Variants in TRIO observed in about 807,000 individuals in gnomAD.
TRIO encodes the protein trio Rho guanine nucleotide exchange factor, also known as triple functional domain protein.
Under a neutral mutation model 351.9 loss-of-function variants are expected in TRIO, and 58 were observed. The observed-to-expected ratio is 0.16, with a 90% CI of 0.13 to 0.21. The LOEUF (loss-of-function observed/expected upper bound fraction) is 0.21, where lower values mean the gene tolerates loss of function less well. Ranked by LOEUF, TRIO falls within the 10% of genes least tolerant of loss-of-function variation. The pLI is 1.00. For missense variants in TRIO, 3,201 were observed against 4,027.8 expected, an observed-to-expected ratio of 0.79 and a Z score of 5.56; for synonymous variants, 1,758 against 1,595.7, an observed-to-expected ratio of 1.10 and a Z score of -2.42.
chr5:14,241,613 C>T (rs1240484878), intron 1 of TRIO, among the ~76,000 whole-genome samples: 1 of 152,144 alleles, frequency 6.6e-6, no homozygotes, highest in Non-Finnish European at 1.5e-5. Context: ...GATATAGAGG[C>T]ATTGTCAGCT....
intron 1 of TRIO, among the ~76,000 whole-genome samples, chr5:14,159,945 A>G (rs1239118320): frequency 6.6e-6 from 1 of 152,258 alleles, no homozygotes; most frequent in Non-Finnish European, 1.5e-5. Context: ...GTTAGACTCT[A>G]AAACAGAAAC....
At chr5:14,424,162 G>A (rs1750434928) in intron 34 of TRIO, among the ~76,000 whole-genome samples, 1 of 152,084 alleles carries the variant, frequency 6.6e-6, no homozygotes, top group South Asian at 2.1e-4. Context: ...CCTGAGATGG[G>A]GCGGGCGCAG....
At chr5:14,211,475 T>C (rs1201243016) in intron 1 of TRIO, among the ~76,000 whole-genome samples, 1 of 152,014 alleles carries the variant, frequency 6.6e-6, no homozygotes, top group Non-Finnish European at 1.5e-5. Flanking sequence ...AAACATACAA[T>C]AATTTAAAAT....
At chr5:14,492,393 G>T (rs1756553490) in intron 48 of TRIO, 174 bp from the exon 49 acceptor site, 2 of 773,480 alleles carry the variant, frequency 2.6e-6, no homozygotes. Context: ...TATTGAAATA[G>T]ATGCACACAG....
At chr5:14,173,725 C>T (rs1660408253) in intron 1 of TRIO, among the ~76,000 whole-genome samples, 2 of 152,216 alleles carry the variant, frequency 1.3e-5, no homozygotes, top group Admixed American at 6.5e-5. Context: ...AAGAGACTGA[C>T]TTCACCCACT....
intron 11 of TRIO, among the ~76,000 whole-genome samples, chr5:14,341,749 C>A (rs1741957534): frequency 6.6e-6 from 1 of 152,166 alleles, no homozygotes. Context: ...AGCTCTCAGC[C>A]AGAGTTTGTT....
intron 11 of TRIO, among the ~76,000 whole-genome samples, chr5:14,345,514 T>C (rs536921679): frequency 6.6e-6 from 1 of 152,278 alleles, no homozygotes; most frequent in South Asian, 2.1e-4. Flanking sequence ...GGTCAAGAGA[T>C]GAAGTGTTAA....
At chr5:14,416,876 G>C (rs986755029) in intron 33 of TRIO, among the ~76,000 whole-genome samples, 1 of 152,228 alleles carries the variant, frequency 6.6e-6, no homozygotes, top group Non-Finnish European at 1.5e-5. Context: ...GGGGCTGCTA[G>C]AAGAATGTCA....
At chr5:14,387,342 TC>T in intron 21 of TRIO, 95 bp from the exon 22 acceptor site, 1 of 1,308,516 alleles carries the variant, frequency 7.6e-7, no homozygotes, top group South Asian at 1.5e-5. Context: ...GTTTTCCTGT[TC>T]AGAGCTCAGA....
intron 27 of TRIO, 57 bp downstream of exon 27, chr5:14,391,047 G>A (rs1157122461): frequency 5.6e-5 from 77 of 1,363,720 alleles, no homozygotes; most frequent in Non-Finnish European, 7.4e-5. Flanking sequence ...CATAAAATGC[G>A]GCATTACTCA....
chr5:14,400,845 G>T, intron 30 of TRIO, 118 bp from the exon 31 acceptor site: 1 of 797,804 alleles, frequency 1.3e-6, no homozygotes. Context: ...GAGATCACTA[G>T]TGACGTTCTT....
At chr5:14,357,877 A>G (rs2152335487) in intron 11 of TRIO, among the ~76,000 whole-genome samples, 1 of 152,282 alleles carries the variant, frequency 6.6e-6, no homozygotes, top group South Asian at 2.1e-4. Flanking sequence ...GAGAATGGGA[A>G]AGAGCAGCTT....
At chr5:14,197,184 A>G (rs1013018029) in intron 1 of TRIO, among the ~76,000 whole-genome samples, 1 of 152,208 alleles carries the variant, frequency 6.6e-6, no homozygotes, top group African/African-American at 2.4e-5. Context: ...TTGCCAAGGA[A>G]GCTTTCCCCG....
chr5:14,291,118 C>T lies in TRIO; in HGVS notation c.943C>T (p.Leu315=). 6.2e-7 allele frequency: 1 copy of T among 1,614,172 alleles called. No homozygotes were observed. Among genetic ancestry groups the T allele is most frequent in the Non-Finnish European group, 8.5e-7 (1 of 1,180,030 alleles). ...CCTCTTGCCCAAGGTGTCCACCATG[C>T]TGGACCGGCTGCACTCGACACGGCA... is the stretch of plus-strand genomic sequence containing the variant. ...QNLLPKVSTM[L]DRLHSTRQHL... Residue 315 remains leucine (L), a synonymous_variant, in exon 5 of 57, where the codon CTG becomes TTG. Transcript: ENST00000344204.
At chr5:14,270,150 A>C (rs544478843) in intron 1 of TRIO, among the ~76,000 whole-genome samples, 4 of 152,258 alleles carry the variant, frequency 2.6e-5, no homozygotes, top group East Asian at 3.9e-4. Context: ...CAATATTCCC[A>C]CTGGGCCTTC....
chr5:14,406,097 T>C, intron 32 of TRIO, 107 bp downstream of exon 32: 1 of 1,454,374 alleles, frequency 6.9e-7, no homozygotes. Context: ...TTTTGAGGAA[T>C]ACATTTTTTA....
intron 9 of TRIO, 90 bp downstream of exon 9, chr5:14,316,833 A>G: frequency 7.2e-7 from 1 of 1,381,026 alleles, no homozygotes; most frequent in Non-Finnish European, 9.9e-7. Flanking sequence ...ATCTGTGCTT[A>G]AGGAGTGATG....
chr5:14,359,990 T>A (rs1196607607), intron 13 of TRIO, among the ~76,000 whole-genome samples: 1 of 152,050 alleles, frequency 6.6e-6, no homozygotes, highest in Non-Finnish European at 1.5e-5. Context: ...GTCCTCACCC[T>A]CCCCTTTTCT....
intron 21 of TRIO, among the ~76,000 whole-genome samples, chr5:14,385,128 G>A (rs2152358567): frequency 6.6e-6 from 1 of 152,322 alleles, no homozygotes; most frequent in East Asian, 1.9e-4. Flanking sequence ...TGCTGGGGGA[G>A]TGGAGCAGGG....
Sources: allele counts gnomAD v4.1 joint callset (sites outside exome capture counted in the v4.1 genomes callset), GRCh38; gene constraint gnomAD v4.1.1; transcripts MANE v1.5; gene names NCBI Gene and HGNC (gene_info 2026-07-23, HGNC 2026-07-21).